Variants in ELN observed in about 807,000 individuals in gnomAD.
ELN encodes the protein elastin, also known as tropoelastin.
ELN carries 65 observed loss-of-function variants against 105.8 expected under a neutral mutation model. The observed-to-expected ratio is 0.61, with a 90% CI of 0.50 to 0.75. The LOEUF is 0.75. ELN is among the 30% of genes least tolerant of loss of function. The probability of loss-of-function intolerance (pLI) is 0.00; values close to 1 mark genes in which losing one functional copy is unlikely to be tolerated. For synonymous variants in ELN, 368 were observed against 389.2 expected (o/e 0.95, Z 0.64); for missense variants, 882 against 969.4 (o/e 0.91, Z 1.20).
intron 9 of ELN, among the ~76,000 whole-genome samples, 197 bp downstream of exon 9, chr7:74,044,117 T>A (rs1791903341): frequency 6.6e-6 from 1 of 152,054 alleles, no homozygotes; most frequent in Non-Finnish European, 1.5e-5. Context: ...GGTGTGCACC[T>A]GTAGTCCCAG....
rs1415894108 is a variant in ELN, at chr7:74,069,339, C to T, written c.*639C>T. 8.5e-6 allele frequency: 2 copies of T among 236,072 alleles called. No individual in the cohort carries two copies. Among genetic ancestry groups the T allele is most frequent in the Middle Eastern group, 1.2e-3 (1 of 810 alleles). 14.6% of individuals were successfully genotyped at this position (236,072 alleles called of 1,614,324 possible). A position where few individuals can be genotyped will look rare whatever the true frequency, so the allele number is the denominator to read the frequency against. On this transcript the variant is annotated 3_prime_UTR_variant, in exon 33 of 33. Coordinates refer to ENST00000252034, the MANE Select transcript of ELN (RefSeq NM_000501.4). ...CTTGCCCTTGTAGAATCCATCCGCC[C>T]ATCCGTCCATTCATCCATCGGTCCG...
intron 15 of ELN, 80 bp from the exon 16 acceptor site, chr7:74,051,670 C>T (rs1204236431): frequency 2.1e-5 from 32 of 1,532,964 alleles, no homozygotes; most frequent in South Asian, 1.7e-4. Context: ...CTGGTGAAAA[C>T]GCCGGCGTCT....
intron 19 of ELN, among the ~76,000 whole-genome samples, chr7:74,055,602 C>T (rs1024447664): frequency 1.8e-4 from 27 of 151,666 alleles, no homozygotes; most frequent in African/African-American, 6.3e-4. Context: ...GCATCAGCCT[C>T]CCAAGAAGCT....
intron 32 of ELN, among the ~76,000 whole-genome samples, chr7:74,067,107 G>A (rs1798121645): frequency 1.3e-5 from 2 of 152,150 alleles, no homozygotes; most frequent in Admixed American, 1.3e-4. Flanking sequence ...CCAACATGGC[G>A]AAACCCTGTC....
At position 74,045,279 on chromosome 7, in the gene ELN, A is replaced by C. The variant is rs782272786; in HGVS notation, c.527A>C (p.Lys176Thr). The C allele has an allele frequency of 1.2e-6, 2 of 1,614,136 alleles. No individual in the cohort carries two copies. Among genetic ancestry groups the C allele is most frequent in the Admixed American group, 3.3e-5 (2 of 60,030 alleles). ...LPGVPTGAGV[K>T]PKAPGVGGAF... Reference sequence around the variant, plus strand: ...GGAGTTCCCACTGGAGCAGGAGTTAAGCCCAAGGCTCCAGGTATGCAGCTG... The same window carrying C: ...GGAGTTCCCACTGGAGCAGGAGTTACGCCCAAGGCTCCAGGTATGCAGCTG... The change falls in exon 10 of 33, where the codon AAG becomes ACG. Residue 176 changes from lysine (K) to threonine (T), a missense_variant. Physicochemically the swap from Lys to Thr is moderately conservative, Grantham distance 78. Transcript: ENST00000252034.
intron 4 of ELN, chr7:74,037,996 A>G (rs1322620292): frequency 3.9e-6 from 2 of 515,268 alleles, no homozygotes; most frequent in East Asian, 3.5e-5. Context: ...TCTACCCTAC[A>G]TGTGCATGTG....
chr7:74,057,421 G>A (rs1554680901), intron 21 of ELN: 2 of 1,515,832 alleles, frequency 1.3e-6, no homozygotes, highest in African/African-American at 1.4e-5. Context: ...CTAGTGCCAG[G>A]TGCCCCAGGC....
chr7:74,048,036 G>A lies in ELN; in HGVS notation c.686-106G>A, dbSNP rs972436340. ...GTTTTCACTCTGGCTGGGGGTGACA[G>A]GTGCAGACTCAGGACAGCTTGGGCC... On this transcript the variant is annotated intron_variant, in intron 13 of 32. Transcript: ENST00000252034. 35 of 1,371,004 alleles carry A rather than the reference G, an allele frequency of 2.6e-5. No individual in the cohort carries two copies. In the Middle Eastern group the frequency reaches 8.3e-4, roughly 32 times the overall value. 84.9% of individuals were successfully genotyped at this position (1,371,004 alleles called of 1,614,324 possible).
chr7:74,065,850 G>A, intron 30 of ELN, 94 bp from the exon 31 acceptor site: 2 of 1,611,342 alleles, frequency 1.2e-6, no homozygotes, highest in East Asian at 2.2e-5. Context: ...TGAAGATCTT[G>A]TCTGGGACAT....
intron 30 of ELN, 47 bp downstream of exon 30, chr7:74,065,779 C>T: frequency 6.2e-7 from 1 of 1,613,180 alleles, no homozygotes; most frequent in Non-Finnish European, 8.5e-7. Flanking sequence ...GCACCCCCTG[C>T]CATGCCCATC....
chr7:74,045,527 C>A (rs782581866), intron 10 of ELN, among the ~76,000 whole-genome samples: 1 of 152,042 alleles, frequency 6.6e-6, no homozygotes, highest in Non-Finnish European at 1.5e-5. Context: ...TCGCTTGAGC[C>A]CAGGAGTTAA....
intron 1 of ELN, among the ~76,000 whole-genome samples, chr7:74,029,369 T>C (rs1788148075): frequency 6.6e-6 from 1 of 152,022 alleles, no homozygotes; most frequent in South Asian, 2.1e-4. Flanking sequence ...CAGTTGGTTA[T>C]GGGGTTTGAG....
intron 1 of ELN, 89 bp downstream of exon 1, chr7:74,028,358 G>T: frequency 1.4e-6 from 2 of 1,457,672 alleles, no homozygotes; most frequent in Non-Finnish European, 1.9e-6. Context: ...GGAGACCTTC[G>T]TCCCTGGGAA....
At chr7:74,046,018 A>G (rs532365954) in intron 10 of ELN, 170 bp from the exon 11 acceptor site, 1 of 863,052 alleles carries the variant, frequency 1.2e-6, no homozygotes, top group South Asian at 1.6e-5. Context: ...CTGGGCGACA[A>G]GAGCGAAACT....
rs868907389 is a variant in ELN, at chr7:74,056,513, T to C, written c.1315+78T>C. On this transcript the variant is annotated intron_variant, in intron 20 of 32. Transcript: ENST00000252034. ...TGTCTGCTCGGCTCTGCAGGGGCAG[T>C]GGGGACTGTAGATCGGGCTTGAATG... 3.7e-6 allele frequency: 6 copies of C among 1,607,908 alleles called. No individual in the cohort carries two copies. In the Middle Eastern group the frequency reaches 6.6e-4, roughly 177 times the overall value.
intron 21 of ELN, among the ~76,000 whole-genome samples, chr7:74,057,106 C>T (rs1241230164): frequency 2.6e-5 from 4 of 152,012 alleles, no homozygotes; most frequent in African/African-American, 7.2e-5. Flanking sequence ...GGCATGGTGG[C>T]GGGCACCTAT....
At position 74,050,330 on chromosome 7, in the gene ELN, T is replaced by C. The variant is rs1314810055; in HGVS notation, c.800-1420T>C. Among the ~76,000 whole-genome samples the C allele has an allele frequency of 2.7e-3, 291 of 109,068 alleles. No individual in the cohort carries two copies. In the Middle Eastern group the frequency reaches 0.042, roughly 16 times the overall value. 71.6% of individuals were successfully genotyped at this position (109,068 alleles called of 152,430 possible). A position where few individuals can be genotyped will look rare whatever the true frequency, so the allele number is the denominator to read the frequency against. On this transcript the variant is annotated intron_variant, in intron 15 of 32. Coordinates refer to ENST00000252034, the MANE Select transcript of ELN (RefSeq NM_000501.4). ...GCATCCATTCCTCCATGCATCCATC[T>C]ATCCATCCATCCATTCATCCATCCA...
At chr7:74,065,616 G>C in intron 29 of ELN, 78 bp from the exon 30 acceptor site, 1 of 1,278,460 alleles carries the variant, frequency 7.8e-7, no homozygotes, top group South Asian at 1.3e-5. Flanking sequence ...TCTGCCTCAA[G>C]AAAAAAAAAA....
intron 15 of ELN, among the ~76,000 whole-genome samples, chr7:74,049,628 T>C (rs1793438421): frequency 6.9e-6 from 1 of 145,894 alleles, no homozygotes; most frequent in South Asian, 2.2e-4. Context: ...CATCCATCCA[T>C]CCACCATCTA....
Sources: allele counts gnomAD v4.1 joint callset (sites outside exome capture counted in the v4.1 genomes callset), GRCh38; gene constraint gnomAD v4.1.1; transcripts MANE v1.5; gene names NCBI Gene and HGNC (gene_info 2026-07-23, HGNC 2026-07-21).